The following ATRNL1 variants were observed in gnomAD, a reference collection of about 807,000 sequenced individuals.
ATRNL1 encodes the protein attractin-like protein 1.
ATRNL1 carries 95 observed loss-of-function variants against 182.7 expected under a neutral mutation model. The ratio of observed to expected loss-of-function variants is 0.52; its 90% CI spans 0.44 to 0.62. The LOEUF (loss-of-function observed/expected upper bound fraction) is 0.62, where lower values mean the gene tolerates loss of function less well. Among genes scored for constraint, ATRNL1 ranks in the 20% least tolerant of loss-of-function variants. ATRNL1 has a pLI of 0.00. For synonymous variants in ATRNL1, 576 were observed against 568.3 expected (o/e 1.01, Z -0.19); for missense variants, 1,471 against 1,679.5 (o/e 0.88, Z 2.17).
At chr10:115,121,070 C>T (rs1844707302) in intron 2 of ATRNL1, among the ~76,000 whole-genome samples, 1 of 152,040 alleles carries the variant, frequency 6.6e-6, no homozygotes, top group Admixed American at 6.6e-5. Flanking sequence ...CATAAGGTTT[C>T]AGTGATGTAT....
chr10:115,705,252 T>A (rs1199189339), intron 26 of ATRNL1, among the ~76,000 whole-genome samples: 1 of 151,958 alleles, frequency 6.6e-6, no homozygotes, highest in Admixed American at 6.6e-5. Context: ...ACTGTCTGTA[T>A]GCTTCTATTT....
intron 26 of ATRNL1, among the ~76,000 whole-genome samples, chr10:115,667,006 G>A (rs1861036105): frequency 6.6e-6 from 1 of 152,110 alleles, no homozygotes; most frequent in African/African-American, 2.4e-5. Flanking sequence ...TAGGGACTGT[G>A]GATGACTATA....
intron 24 of ATRNL1, among the ~76,000 whole-genome samples, chr10:115,513,161 T>C (rs1850474142): frequency 6.6e-6 from 1 of 151,982 alleles, no homozygotes; most frequent in African/African-American, 2.4e-5. Flanking sequence ...CCCCTGCAGT[T>C]TCCAGTTTTA....
intron 28 of ATRNL1, among the ~76,000 whole-genome samples, chr10:115,904,477 T>C (rs782272478): frequency 2.0e-5 from 3 of 152,218 alleles, no homozygotes; most frequent in African/African-American, 4.8e-5. Context: ...CTAATGCTGC[T>C]TTGGCAGTCA....
At chr10:115,438,106 A>G (rs948965336) in intron 21 of ATRNL1, among the ~76,000 whole-genome samples, 3 of 152,060 alleles carry the variant, frequency 2.0e-5, no homozygotes, top group Non-Finnish European at 2.9e-5. Flanking sequence ...TTCTCAAAAA[A>G]TTCACATATA....
chr10:115,668,145 T>C (rs1376382441), intron 26 of ATRNL1, among the ~76,000 whole-genome samples: 3 of 152,070 alleles, frequency 2.0e-5, no homozygotes, highest in African/African-American at 7.2e-5. Flanking sequence ...CTTTCTTGCT[T>C]TTGATTTCTT....
At chr10:115,233,428 T>G (rs1199599782) in intron 9 of ATRNL1, among the ~76,000 whole-genome samples, 1 of 152,172 alleles carries the variant, frequency 6.6e-6, no homozygotes, top group African/African-American at 2.4e-5. Flanking sequence ...TGTGTAGACT[T>G]TTTTAGCGTT....
Position 115,320,031 on chromosome 10 carries a change from T to C in ATRNL1, c.3037+4295T>C, listed in dbSNP as rs186301388. On this transcript the variant is annotated intron_variant, in intron 18 of 28. Transcript: ENST00000355044. ...GGTGTGTTTTTGTAGTGGTTGGTACTGCCTTTTCCATTCCATATTTAGTGC... is the reference window on the plus strand; with the variant it reads ...GGTGTGTTTTTGTAGTGGTTGGTACCGCCTTTTCCATTCCATATTTAGTGC... Among the ~76,000 whole-genome samples, 181 of 152,276 alleles carry C rather than the reference T, an allele frequency of 1.2e-3. 1 individual carries two copies. Among genetic ancestry groups the C allele is most frequent in the East Asian group, 1.2e-3 (6 of 5,190 alleles).
At chr10:115,094,117 G>A (rs2084949453) in intron 1 of ATRNL1, 74 bp downstream of exon 1, 2 of 1,272,092 alleles carry the variant, frequency 1.6e-6, no homozygotes, top group African/African-American at 3.1e-5. Context: ...CCCCCCTCGC[G>A]GCCTCCCCCG....
intron 27 of ATRNL1, among the ~76,000 whole-genome samples, chr10:115,802,126 T>G (rs1949812645): frequency 6.6e-6 from 1 of 151,612 alleles, no homozygotes; most frequent in African/African-American, 2.4e-5. Flanking sequence ...ATATCCCGAC[T>G]TTGCCTTCCT....
At chr10:115,713,705 C>T (rs7099829) in intron 26 of ATRNL1, among the ~76,000 whole-genome samples, 1,821 of 101,284 alleles carry the variant, frequency 0.018, 29 homozygotes, top group African/African-American at 0.052. Flanking sequence ...ATCTATCTAT[C>T]ATCTATCTAT....
chr10:115,547,473 A>G (rs1852733732), intron 25 of ATRNL1, among the ~76,000 whole-genome samples: 1 of 152,006 alleles, frequency 6.6e-6, no homozygotes, highest in Non-Finnish European at 1.5e-5. Flanking sequence ...AGATGCTCTC[A>G]TTTTGACAGG....
chr10:115,691,723 A>AAATCAATCAATC (rs201945195), intron 26 of ATRNL1, among the ~76,000 whole-genome samples: 2 of 151,994 alleles, frequency 1.3e-5, no homozygotes, highest in African/African-American at 4.8e-5. Context: ...CCCTGTCTAA[A>AAATCAATCAATC]AATCAATCAA....
At chr10:115,420,767 G>A (rs1554961776) in intron 20 of ATRNL1, among the ~76,000 whole-genome samples, 1 of 151,862 alleles carries the variant, frequency 6.6e-6, no homozygotes, top group Non-Finnish European at 1.5e-5. Context: ...ATGAAGAGTT[G>A]GTTTTTGAAA....
At position 115,870,647 on chromosome 10, in the gene ATRNL1, A is replaced by G. The variant is rs1951557792; in HGVS notation, c.4018+22656A>G. The stretch of plus-strand genomic sequence containing the variant: ...TGTGACCTAACCAATCCATCTTGAC[A>G]TTATTTCTGATAATATCGTGCATAT... On this transcript the variant is annotated intron_variant, in intron 28 of 28. Transcript: ENST00000355044. 2.0e-5 allele frequency among the ~76,000 whole-genome samples: 3 copies of G among 152,292 alleles called. No individual in the cohort carries two copies. The South Asian group carries it at 6.2e-4, about 32-fold the overall frequency.
chr10:115,182,292 CAG>C (rs1463296777), intron 8 of ATRNL1, among the ~76,000 whole-genome samples: 5 of 150,716 alleles, frequency 3.3e-5, no homozygotes, highest in Non-Finnish European at 5.9e-5. Context: ...TTAAAACTGA[CAG>C]AACAGATAAT....
chr10:115,233,487 T>G (rs1174498568), intron 9 of ATRNL1, among the ~76,000 whole-genome samples: 2 of 152,170 alleles, frequency 1.3e-5, no homozygotes, highest in African/African-American at 4.8e-5. Context: ...ACAGTTTTGT[T>G]TCTTCCTTTC....
intron 9 of ATRNL1, among the ~76,000 whole-genome samples, chr10:115,221,288 G>GT (rs1322683402): frequency 2.0e-5 from 3 of 152,148 alleles, no homozygotes; most frequent in African/African-American, 7.2e-5. Flanking sequence ...TGTATAGGAT[G>GT]TCACCATTAT....
At chr10:115,432,135 C>G (rs1846200718) in intron 21 of ATRNL1, among the ~76,000 whole-genome samples, 1 of 151,968 alleles carries the variant, frequency 6.6e-6, no homozygotes, top group South Asian at 2.1e-4. Context: ...TAGCTTAACA[C>G]ATCTAAAATT....
Sources: allele counts gnomAD v4.1 joint callset (sites outside exome capture counted in the v4.1 genomes callset), GRCh38; gene constraint gnomAD v4.1.1; transcripts MANE v1.5; gene names NCBI Gene and HGNC (gene_info 2026-07-23, HGNC 2026-07-21).